LINGO2: variants seen among roughly 807,000 people sequenced by gnomAD.
The protein encoded by LINGO2 is leucine rich repeat and Ig domain containing 2, also known as leucine-rich repeat and immunoglobulin-like domain-containing nogo receptor-interacting protein 2.
In LINGO2, 14 loss-of-function variants were observed where a neutral mutation model predicts 30.6. The observed-to-expected ratio is 0.46, with a 90% CI of 0.30 to 0.72. The LOEUF (loss-of-function observed/expected upper bound fraction) is 0.72. Among genes scored for constraint, LINGO2 ranks in the 30% least tolerant of loss-of-function variants. LINGO2 has a pLI of 0.07. For missense variants in LINGO2, 729 were observed against 751.7 expected, an observed-to-expected ratio of 0.97 and a Z score of 0.35; for synonymous variants, 317 against 288.5, an observed-to-expected ratio of 1.10 and a Z score of -1.00.
chr9:28,393,485 G>T (rs867883530), intron 2 of LINGO2, among the ~76,000 whole-genome samples: 3 of 151,016 alleles, frequency 2.0e-5, no homozygotes, highest in Non-Finnish European at 4.4e-5. Flanking sequence ...GTGTTTTGCT[G>T]GTTGCCAAAT....
the LINGO2 span, among the ~76,000 whole-genome samples, chr9:28,767,425 A>G: frequency 0.024 from 3,660 of 152,174 alleles, 54 homozygotes; most frequent in Non-Finnish European, 0.037. Flanking sequence ...TCCTTGAATC[A>G]TTTTCTGCTT....
downstream of LINGO2, chr9:27,944,181 C>G (rs1823276086): frequency 6.6e-6 from 1 of 152,196 alleles, no homozygotes; most frequent in African/African-American, 2.4e-5. Flanking sequence ...GTTACACATA[C>G]TGTTCTCCAA....
At chr9:28,028,760 T>G (rs904056605) in intron 4 of LINGO2, among the ~76,000 whole-genome samples, 1 of 152,186 alleles carries the variant, frequency 6.6e-6, no homozygotes, top group East Asian at 1.9e-4. Flanking sequence ...TTTTTCTTTT[T>G]GAATATTTTT....
At position 28,148,842 on chromosome 9, in the gene LINGO2, T is replaced by G; in HGVS notation, c.-86-136437A>C. Reference sequence around the variant, plus strand: ...TTGAAGGTGCTGGGTAAAGACCACCTGCCCAGCTCTCCAGGCTTGCTGATG... The same window carrying G: ...TTGAAGGTGCTGGGTAAAGACCACCGGCCCAGCTCTCCAGGCTTGCTGATG... On this transcript the variant is annotated intron_variant, in intron 4 of 5. Transcript: ENST00000379992. The surrounding 1 kb of genome is among the most constrained non-coding windows in gnomAD (Gnocchi z 5.1). 6.5e-7 allele frequency: 1 copy of G among 1,533,708 alleles called. No homozygotes were observed. Among genetic ancestry groups the G allele is most frequent in the Non-Finnish European group, 8.7e-7 (1 of 1,146,504 alleles).
chr9:29,001,892 A>G, the LINGO2 span, among the ~76,000 whole-genome samples: 2 of 151,982 alleles, frequency 1.3e-5, no homozygotes, highest in African/African-American at 4.8e-5. Context: ...GGAATTTTCT[A>G]TATTTTCTGC....
intron 2 of LINGO2, among the ~76,000 whole-genome samples, chr9:28,450,551 G>A (rs1824608719): frequency 6.6e-6 from 1 of 151,880 alleles, no homozygotes; most frequent in Admixed American, 6.6e-5. Context: ...TAACTTTGAG[G>A]CTCAGAAAAT....
At chr9:28,797,329 CATATATAT>C in the LINGO2 span, among the ~76,000 whole-genome samples, 443 of 65,922 alleles carry the variant, frequency 6.7e-3, 4 homozygotes, top group African/African-American at 0.021. Context: ...ATCATATATA[CATATATAT>C]ATATATATAT....
intron 4 of LINGO2, among the ~76,000 whole-genome samples, chr9:28,221,141 T>C (rs1587256407): frequency 6.6e-6 from 1 of 151,060 alleles, no homozygotes; most frequent in Non-Finnish European, 1.5e-5. Context: ...CTAATAAAAA[T>C]AGAAAAAATT....
the LINGO2 span, among the ~76,000 whole-genome samples, chr9:29,121,873 G>A: frequency 6.6e-6 from 1 of 152,018 alleles, no homozygotes; most frequent in African/African-American, 2.4e-5. Flanking sequence ...GAGATTAAGA[G>A]AGTATCCCAA....
intron 4 of LINGO2, among the ~76,000 whole-genome samples, chr9:28,161,365 T>C (rs919467740): frequency 1.3e-5 from 2 of 152,162 alleles, no homozygotes; most frequent in Non-Finnish European, 2.9e-5. Context: ...AGTATCTTTT[T>C]TTAGTATCAT....
At chr9:29,123,097 C>G in the LINGO2 span, among the ~76,000 whole-genome samples, 1 of 152,030 alleles carries the variant, frequency 6.6e-6, no homozygotes, top group African/African-American at 2.4e-5. Context: ...TACAGTCATT[C>G]AATCCCACAC....
At chr9:28,003,498 G>A (rs1021893950) in intron 5 of LINGO2, among the ~76,000 whole-genome samples, 9 of 152,040 alleles carry the variant, frequency 5.9e-5, no homozygotes, top group Non-Finnish European at 8.8e-5. Flanking sequence ...TCGCTGTGTT[G>A]CCCAGGCTGG....
the LINGO2 span, among the ~76,000 whole-genome samples, chr9:28,695,778 T>C: frequency 6.6e-6 from 1 of 151,180 alleles, no homozygotes; most frequent in Non-Finnish European, 1.5e-5. Context: ...AATGAGAGGA[T>C]ATTACTTTTA....
chr9:28,966,963 A>G, the LINGO2 span, among the ~76,000 whole-genome samples: 1 of 152,066 alleles, frequency 6.6e-6, no homozygotes, highest in Admixed American at 6.6e-5. Flanking sequence ...ATATATTGAG[A>G]GCTGAGTTAT....
At chr9:28,674,430 T>G (rs1021996076), upstream of LINGO2, among the ~76,000 whole-genome samples, 3 of 152,158 alleles carry the variant, frequency 2.0e-5, no homozygotes. Context: ...AATATCAACC[T>G]ACATTTGAAT....
the LINGO2 span, among the ~76,000 whole-genome samples, chr9:28,888,398 A>G: frequency 6.6e-6 from 1 of 152,162 alleles, no homozygotes; most frequent in African/African-American, 2.4e-5. Flanking sequence ...AGTTGATGTT[A>G]CACATGAACA....
intron 4 of LINGO2, among the ~76,000 whole-genome samples, chr9:28,293,772 A>G (rs927823571): frequency 6.6e-6 from 1 of 152,218 alleles, no homozygotes; most frequent in Non-Finnish European, 1.5e-5. Flanking sequence ...TGAAATAAAA[A>G]TAATTAGGAT....
the LINGO2 span, among the ~76,000 whole-genome samples, chr9:28,932,334 C>A: frequency 6.6e-6 from 1 of 151,716 alleles, no homozygotes; most frequent in African/African-American, 2.4e-5. Context: ...TTTAACCTTC[C>A]TTTATAATAA....
At chr9:28,111,195 A>G (rs1021567311) in intron 4 of LINGO2, among the ~76,000 whole-genome samples, 2 of 152,082 alleles carry the variant, frequency 1.3e-5, no homozygotes, top group African/African-American at 2.4e-5. Context: ...ATGAGAACAC[A>G]TGCACACAGG....
Sources: allele counts gnomAD v4.1 joint callset (sites outside exome capture counted in the v4.1 genomes callset), GRCh38; gene constraint gnomAD v4.1.1; non-coding constraint Gnocchi (gnomAD v3.1); transcripts MANE v1.5; gene names NCBI Gene and HGNC (gene_info 2026-07-23, HGNC 2026-07-21).